The following LRRN4 variants were observed in gnomAD, a reference collection of about 807,000 sequenced individuals.
LRRN4 encodes the protein leucine rich repeat neuronal 4.
A neutral mutation model predicts 22.3 loss-of-function variants in LRRN4; 26 were observed. The ratio of observed to expected loss-of-function variants is 1.16; its 90% CI spans 0.85 to 1.62. The LOEUF (loss-of-function observed/expected upper bound fraction) is 1.62. Among genes scored for constraint, LRRN4 ranks in the 40% most tolerant of loss-of-function variants. The pLI is 0.00. For synonymous variants in LRRN4, 496 were observed against 486.2 expected (o/e 1.02, Z -0.26); for missense variants, 1,070 against 1,008.5 (o/e 1.06, Z -0.83).
Position 6,041,883 on chromosome 20 carries a change from C to A in LRRN4, c.1362G>T (p.Arg454Ser), listed in dbSNP as rs139701837. 3 of 1,614,152 alleles carry A rather than the reference C, an allele frequency of 1.9e-6. No individual in the cohort carries two copies. The Middle Eastern group carries it at 4.9e-4, about 266-fold the overall frequency. Reference sequence around the variant, plus strand: ...GGGCATGTTCTCCTCGGTGCTGGGTCCTGGTGGTGCTGGCAGCCCTGGGGA... The same window carrying A: ...GGGCATGTTCTCCTCGGTGCTGGGTACTGGTGGTGCTGGCAGCCCTGGGGA... ...SVFPRAASTT[R>S]TQHRGEHAPE... Residue 454 changes from arginine to serine, a missense_variant, in exon 5 of 5, where the codon AGG becomes AGT. Transcript: ENST00000378858. The surrounding 1 kb of genome is among the most constrained non-coding windows in gnomAD (Gnocchi z 9.4).
At chr20:6,048,381 TATC>T (rs1981160767) in intron 3 of LRRN4, among the ~76,000 whole-genome samples, 1 of 152,206 alleles carries the variant, frequency 6.6e-6, no homozygotes, top group Non-Finnish European at 1.5e-5. Context: ...TGGCTTCAAA[TATC>T]ATCTTTATAC....
In LRRN4 at chr20:6,052,534, GC is replaced by G; in HGVS notation, c.265del (p.Ala89ProfsTer2). 6.3e-7 allele frequency: 1 copy of G among 1,588,058 alleles called. No homozygotes were observed. Among genetic ancestry groups the G allele is most frequent in the Admixed American group, 1.7e-5 (1 of 58,044 alleles). Reference sequence around the variant, plus strand: ...GTGGCCGAGCTCGGAAGTGCTCAGGGCGCGCAGCAGGTTGTGGCTGGCGTCG... The same window carrying G: ...GTGGCCGAGCTCGGAAGTGCTCAGGGGCGCAGCAGGTTGTGGCTGGCGTCG... ...SLDASHNLLR[A>X]LSTSELGHLE... On this transcript the variant is annotated frameshift_variant, in exon 2 of 5. Coordinates refer to ENST00000378858, the MANE Select transcript of LRRN4 (RefSeq NM_152611.5). LOFTEE classifies it high-confidence loss of function.
At chr20:6,053,662 A>G (rs113713265) in intron 1 of LRRN4, among the ~76,000 whole-genome samples, 168 bp downstream of exon 1, 18 of 152,308 alleles carry the variant, frequency 1.2e-4, no homozygotes, top group African/African-American at 4.3e-4. Flanking sequence ...TCATCACTGC[A>G]GATGTGTATT....
In LRRN4 at chr20:6,047,707, C is replaced by G. The variant is rs186303107; in HGVS notation, c.861-3027G>C. Among the ~76,000 whole-genome samples the G allele has an allele frequency of 2.0e-3, 307 of 151,420 alleles. 2 individuals are homozygous for G. The highest frequency in any genetic ancestry group is 7.3e-3 in the African/African-American group (300 of 41,200). On this transcript the variant is annotated intron_variant, in intron 3 of 4. Transcript: ENST00000378858. ...TCGGGAGGCTGAGGCAGGAGAGTCA[C>G]TTGAACCTGGGAGGTGAAGATTGCA...
In LRRN4 at chr20:6,041,266, C is replaced by G; in HGVS notation, c.1979G>C (p.Ser660Thr). Reference sequence around the variant, plus strand: ...CCTCCAGCCCGAAGACCGTGGCTGGCTCAAGCCCGCCCTGTTGGCCGCCAG... The same window carrying G: ...CCTCCAGCCCGAAGACCGTGGCTGGGTCAAGCCCGCCCTGTTGGCCGCCAG... ...CVLAANRAGLSQPRSSGWRSP... is the reference protein window; with the variant it reads ...CVLAANRAGLTQPRSSGWRSP... The change falls in exon 5 of 5, where the codon AGC becomes ACC. Residue 660 changes from serine (S) to threonine (T), a missense_variant. Transcript: ENST00000378858. This position sits in a 1 kb window ranked among gnomAD's most constrained non-coding sequence, Gnocchi z 9.4. 1 of 1,586,822 alleles carries G rather than the reference C, an allele frequency of 6.3e-7. No homozygotes were observed. The highest frequency in any genetic ancestry group is 8.6e-7 in the Non-Finnish European group (1 of 1,168,548).
chr20:6,046,308 G>T (rs1981098157), intron 3 of LRRN4, among the ~76,000 whole-genome samples: 2 of 148,410 alleles, frequency 1.3e-5, no homozygotes, highest in Admixed American at 6.8e-5. Context: ...TGACTCTAAA[G>T]AATTGAAATT....
chr20:6,047,080 AATT>A (rs1321130574), intron 3 of LRRN4, among the ~76,000 whole-genome samples: 1 of 152,146 alleles, frequency 6.6e-6, no homozygotes, highest in Admixed American at 6.6e-5. Flanking sequence ...ATGTAAAGAA[AATT>A]ATTCTTAGGG....
chr20:6,042,124 T>C lies in LRRN4; in HGVS notation c.1121A>G (p.His374Arg). The change falls in exon 5 of 5, where the codon CAC (histidine) becomes CGC (arginine). Residue 374 changes from histidine (H) to arginine (R), a missense_variant. Coordinates refer to ENST00000378858, the MANE Select transcript of LRRN4 (RefSeq NM_152611.5). ...SDQSTTLGAS[H>R]PPCFNRSTYA... is the part of the protein sequence containing the mutation. ...GGTGGAGCGGTTGAAGCAAGGTGGG[T>C]GTGAAGCCCCGAGAGTGGTGCTTTG... 1 of 1,613,988 alleles carries C rather than the reference T, an allele frequency of 6.2e-7. No individual in the cohort carries two copies.
chr20:6,048,090 T>C (rs1981152081), intron 3 of LRRN4, among the ~76,000 whole-genome samples: 1 of 152,142 alleles, frequency 6.6e-6, no homozygotes, highest in Middle Eastern at 3.2e-3. Flanking sequence ...TGAATGTCGC[T>C]GATGTCCCAC....
At chr20:6,051,590 C>T (rs1399970044) in intron 2 of LRRN4, among the ~76,000 whole-genome samples, 4 of 152,106 alleles carry the variant, frequency 2.6e-5, no homozygotes, top group East Asian at 1.9e-4. Flanking sequence ...AACAGGAGAC[C>T]GGTTATCCTC....
intron 3 of LRRN4, among the ~76,000 whole-genome samples, chr20:6,048,815 G>A (rs1007447177): frequency 6.6e-6 from 1 of 152,182 alleles, no homozygotes; most frequent in Non-Finnish European, 1.5e-5. Context: ...GCACAGAGAT[G>A]GAGGAGGACG....
At position 6,052,423 on chromosome 20, in the gene LRRN4, G is replaced by A. The variant is rs752629821; in HGVS notation, c.377C>T (p.Thr126Ile). The change falls in exon 2 of 5, where the codon ACC (threonine) becomes ATC (isoleucine). Residue 126 changes from threonine to isoleucine, a missense_variant. By Grantham distance (89) the Thr-to-Ile change is moderately conservative. Transcript: ENST00000378858. ...CAGCTGGTTGTAGCTGAGGTCCAGG[G>A]TGTGCAGCCCCGCCGGCCCACCCGG... ...WGPGGPAGLH[T>I]LDLSYNQLAA... 6 of 1,545,880 alleles carry A rather than the reference G, an allele frequency of 3.9e-6. No individual in the cohort carries two copies. In the South Asian group the frequency reaches 7.1e-5, roughly 18 times the overall value.
rs758004420 is a variant in LRRN4, at chr20:6,041,187, C to T, written c.2058G>A (p.Gly686=). The T allele has an allele frequency of 6.3e-6, 10 of 1,595,682 alleles. No homozygotes were observed. Among genetic ancestry groups the T allele is most frequent in the Non-Finnish European group, 8.5e-6 (10 of 1,170,308 alleles). The change falls in exon 5 of 5, where the codon GGG becomes GGA. Residue 686 remains glycine (G), a synonymous_variant. Coordinates refer to ENST00000378858, the MANE Select transcript of LRRN4 (RefSeq NM_152611.5). The surrounding 1 kb of genome is among the most constrained non-coding windows in gnomAD (Gnocchi z 9.4). Reference sequence around the variant, plus strand: ...GCAACAGGCCGCTGGCGGCGCACAGCCCAGAGAGCAGGAGCGCGAAGCTGG... The same window carrying T: ...GCAACAGGCCGCTGGCGGCGCACAGTCCAGAGAGCAGGAGCGCGAAGCTGG... The part of the protein sequence containing the change: ...TKPSFALLLS[G]LCAASGLLLA...
chr20:6,044,738 T>C, intron 3 of LRRN4, 58 bp from the exon 4 acceptor site: 1 of 1,406,296 alleles, frequency 7.1e-7, no homozygotes, highest in Non-Finnish European at 9.4e-7. Context: ...ATCAAAGATA[T>C]TCCCAGAGAG....
chr20:6,053,488 G>T (rs1231390951), intron 1 of LRRN4, among the ~76,000 whole-genome samples: 4 of 152,152 alleles, frequency 2.6e-5, no homozygotes, highest in Non-Finnish European at 5.9e-5. Context: ...CTGCCCAGGA[G>T]GGATGGCTGA....
At chr20:6,046,991 G>A (rs769469521) in intron 3 of LRRN4, among the ~76,000 whole-genome samples, 3 of 152,028 alleles carry the variant, frequency 2.0e-5, no homozygotes, top group African/African-American at 2.4e-5. Context: ...GAGTAACACC[G>A]CTGAGTCCTT....
Position 6,041,098 on chromosome 20 carries a change from C to G in LRRN4, c.2147G>C (p.Arg716Pro), listed in dbSNP as rs750887295. ...GTAGGCCACCAGGTGCGTGTCGCAG[C>G]GCTGCAGGCCCAGCGTCTGGCCCCG... ...CRRGQTLGLQ[R>P]CDTHLVAYKN... Residue 716 changes from arginine to proline, a missense_variant, in exon 5 of 5, where the codon CGC (arginine) becomes CCC (proline). Transcript: ENST00000378858. This position sits in a 1 kb window ranked among gnomAD's most constrained non-coding sequence, Gnocchi z 9.4. The G allele has an allele frequency of 6.2e-7, 1 of 1,613,100 alleles. No individual in the cohort carries two copies. The highest frequency in any genetic ancestry group is 8.5e-7 in the Non-Finnish European group (1 of 1,179,646).
chr20:6,052,072 C>T, intron 2 of LRRN4, 73 bp downstream of exon 2: 1 of 1,494,454 alleles, frequency 6.7e-7, no homozygotes, highest in African/African-American at 1.4e-5. Flanking sequence ...GAACGCAGCC[C>T]TGCCCCCCGG....
At chr20:6,043,109 A>G (rs569483240) in intron 4 of LRRN4, among the ~76,000 whole-genome samples, 1 of 152,244 alleles carries the variant, frequency 6.6e-6, no homozygotes, top group African/African-American at 2.4e-5. Context: ...GCTCAGCTCA[A>G]ATCAACAGTA....
Sources: allele counts gnomAD v4.1 joint callset (sites outside exome capture counted in the v4.1 genomes callset), GRCh38; gene constraint gnomAD v4.1.1; non-coding constraint Gnocchi (gnomAD v3.1); transcripts MANE v1.5; gene names NCBI Gene and HGNC (gene_info 2026-07-23, HGNC 2026-07-21).